The following CFAP43 variants were observed in gnomAD, a reference collection of about 807,000 sequenced individuals.
CFAP43 encodes the protein cilia- and flagella-associated protein 43.
A neutral mutation model predicts 218.9 loss-of-function variants in CFAP43; 155 were observed. The ratio of observed to expected loss-of-function variants is 0.71; its 90% CI spans 0.62 to 0.81. The LOEUF (loss-of-function observed/expected upper bound fraction) is 0.81. CFAP43 is among the 30% of genes least tolerant of loss of function. The probability of loss-of-function intolerance (pLI) is 0.00; values close to 1 mark genes in which losing one functional copy is unlikely to be tolerated. For synonymous variants in CFAP43, 645 were observed against 681.3 expected, an observed-to-expected ratio of 0.95 and a Z score of 0.83; for missense variants, 1,778 against 1,954.3, an observed-to-expected ratio of 0.91 and a Z score of 1.70.
At chr10:104,193,691 G>A (rs2134918666) in intron 11 of CFAP43, 175 bp downstream of exon 11, 1 of 791,210 alleles carries the variant, frequency 1.3e-6, no homozygotes, top group Non-Finnish European at 1.9e-6. Context: ...TGGGTATGGG[G>A]GGTACTTTAC....
chr10:104,205,520 C>T lies in CFAP43; in HGVS notation c.963+443G>A, dbSNP rs1290632759. On this transcript the variant is annotated intron_variant, in intron 7 of 37. Coordinates refer to ENST00000357060, the MANE Select transcript of CFAP43 (RefSeq NM_025145.7). ...AAAGCAAGCACCAAGTAAATGGAGG[C>T]TATTAATACTGATTCGAATATCAAC... Among the ~76,000 whole-genome samples the T allele has an allele frequency of 3.3e-5, 5 of 152,216 alleles. No homozygotes were observed. In the South Asian group the frequency reaches 8.3e-4, roughly 25 times the overall value.
intron 34 of CFAP43, among the ~76,000 whole-genome samples, chr10:104,140,403 T>A (rs2087652520): frequency 6.6e-6 from 1 of 152,254 alleles, no homozygotes; most frequent in South Asian, 2.1e-4. Context: ...GATTCTAATG[T>A]GCAACCACAG....
At chr10:104,185,221 GC>G in intron 15 of CFAP43, 75 bp from the exon 16 acceptor site, 1 of 1,561,714 alleles carries the variant, frequency 6.4e-7, no homozygotes, top group Non-Finnish European at 8.7e-7. Context: ...GGGGTTATAT[GC>G]CCCTTTTTTG....
chr10:104,211,952 A>T, intron 5 of CFAP43, 55 bp downstream of exon 5: 1 of 1,559,354 alleles, frequency 6.4e-7, no homozygotes, highest in Middle Eastern at 1.8e-4. Context: ...AAATGAGATC[A>T]GGCTTCCTAG....
chr10:104,136,469 C>T (rs930637524), intron 34 of CFAP43, among the ~76,000 whole-genome samples: 14 of 151,830 alleles, frequency 9.2e-5, no homozygotes, highest in South Asian at 2.1e-4. Flanking sequence ...CTCCCGAGTT[C>T]AAGTGAGTCT....
intron 23 of CFAP43, among the ~76,000 whole-genome samples, chr10:104,166,054 T>C (rs970005625): frequency 6.6e-6 from 1 of 152,222 alleles, no homozygotes; most frequent in Non-Finnish European, 1.5e-5. Context: ...TATATTCCTC[T>C]ATGTATTGTT....
At chr10:104,148,362 A>G (rs1221448663) in intron 28 of CFAP43, among the ~76,000 whole-genome samples, 2 of 152,090 alleles carry the variant, frequency 1.3e-5, no homozygotes, top group African/African-American at 4.8e-5. Flanking sequence ...AGTACTAAAC[A>G]CTATCTTGAC....
chr10:104,219,833 C>T (rs2091128290), intron 3 of CFAP43, among the ~76,000 whole-genome samples: 1 of 152,194 alleles, frequency 6.6e-6, no homozygotes, highest in African/African-American at 2.4e-5. Context: ...TTTTCTACTT[C>T]ATGGCCTTTG....
intron 34 of CFAP43, among the ~76,000 whole-genome samples, chr10:104,136,936 A>AAAGC (rs2087480722): frequency 6.6e-6 from 1 of 152,230 alleles, no homozygotes; most frequent in Non-Finnish European, 1.5e-5. Flanking sequence ...CTGTAATTAA[A>AAAGC]AAGCAAGCAA....
rs1187188063 is a variant in CFAP43 at position 104,192,322 on chromosome 10, A to T, written c.1443-20T>A. On this transcript the variant is annotated intron_variant, in intron 11 of 37. Transcript: ENST00000357060. Reference sequence around the variant, plus strand: ...TCATAACTAGAAAAGAAGAAATCTGATGATCAAATCCCAATTGTTTCACCA... The same window carrying T: ...TCATAACTAGAAAAGAAGAAATCTGTTGATCAAATCCCAATTGTTTCACCA... 6.4e-7 allele frequency: 1 copy of T among 1,566,386 alleles called. No homozygotes were observed. Among genetic ancestry groups the T allele is most frequent in the Non-Finnish European group, 8.8e-7 (1 of 1,138,278 alleles).
chr10:104,183,571 A>G (rs1015979147), intron 16 of CFAP43, among the ~76,000 whole-genome samples: 7 of 151,918 alleles, frequency 4.6e-5, no homozygotes, highest in African/African-American at 1.7e-4. Flanking sequence ...TTGTATTTTT[A>G]GTAGAGACGG....
At chr10:104,179,322 A>G (rs554432355) in intron 18 of CFAP43, among the ~76,000 whole-genome samples, 2 of 152,296 alleles carry the variant, frequency 1.3e-5, no homozygotes, top group East Asian at 3.9e-4. Flanking sequence ...TGTCAATTAT[A>G]TGGCCAATGG....
intron 29 of CFAP43, 26 bp from the exon 30 acceptor site, chr10:104,146,375 T>C (rs377064068): frequency 1.3e-4 from 208 of 1,589,708 alleles, no homozygotes; most frequent in Admixed American, 7.0e-4. Context: ...GAATAGTTGA[T>C]TGAAACTGGA....
chr10:104,159,322 T>G (rs2088750031), intron 27 of CFAP43, among the ~76,000 whole-genome samples: 2 of 152,140 alleles, frequency 1.3e-5, no homozygotes, highest in Non-Finnish European at 2.9e-5. Context: ...TGAAATAAAT[T>G]TATACTGACC....
chr10:104,162,156 G>T, intron 25 of CFAP43, 115 bp from the exon 26 acceptor site: 1 of 1,270,564 alleles, frequency 7.9e-7, no homozygotes, highest in Non-Finnish European at 1.1e-6. Context: ...GATTGGGGAA[G>T]GTAGGTAGTG....
intron 16 of CFAP43, 97 bp downstream of exon 16, chr10:104,184,919 C>A: frequency 2.0e-6 from 3 of 1,510,586 alleles, no homozygotes; most frequent in Non-Finnish European, 2.6e-6. Flanking sequence ...TGGCAGTGGT[C>A]TCCCAGCACG....
chr10:104,136,225 T>C (rs1485097306), intron 34 of CFAP43, among the ~76,000 whole-genome samples: 1 of 112,582 alleles, frequency 8.9e-6, no homozygotes, highest in Non-Finnish European at 1.6e-5. Flanking sequence ...TGCTCCAGCC[T>C]GGGAGACAGA....
In CFAP43 at chr10:104,232,223, G is replaced by A. The variant is rs769789325; in HGVS notation, c.24C>T (p.Asp8=). 1.6e-5 allele frequency: 25 copies of A among 1,608,832 alleles called. No individual in the cohort carries two copies. Among genetic ancestry groups the A allele is most frequent in the Non-Finnish European group, 2.0e-5 (23 of 1,178,526 alleles). The change falls in exon 1 of 38, where the codon GAC becomes GAT. Residue 8 remains aspartate (D), a synonymous_variant. Coordinates refer to ENST00000357060, the MANE Select transcript of CFAP43 (RefSeq NM_025145.7). MAQGRER[D]EGPHSAGGAS... is the part of the protein sequence containing the mutation. ...CGCCGCCGGCGGAGTGGGGGCCTTC[G>A]TCGCGCTCCCGGCCTTGCGCCATGG... is the stretch of plus-strand genomic sequence containing the variant.
intron 13 of CFAP43, 66 bp downstream of exon 13, chr10:104,188,204 C>A: frequency 6.4e-7 from 1 of 1,566,026 alleles, no homozygotes; most frequent in Non-Finnish European, 8.6e-7. Flanking sequence ...CAAAACAAAC[C>A]CAAAAAACAA....
Sources: gnomAD v4.1 joint callset for allele counts (sites outside exome capture counted in the v4.1 genomes callset) on GRCh38, gnomAD v4.1.1 for gene constraint, MANE v1.5 for transcripts, NCBI Gene and HGNC (gene_info 2026-07-23, HGNC 2026-07-21) for gene names.